The following CCDC7 variants were observed in gnomAD, a reference collection of about 807,000 sequenced individuals.
CCDC7 encodes the protein coiled-coil domain containing 7.
Under a neutral mutation model 196.9 loss-of-function variants are expected in CCDC7, and 183 were observed. That is an observed-to-expected ratio of 0.93 (90% CI 0.82 to 1.05). CCDC7 has a LOEUF of 1.05. Ranked by LOEUF, CCDC7 falls within the 50% of genes least tolerant of loss-of-function variation. CCDC7 has a pLI of 0.00. For synonymous variants in CCDC7, 525 were observed against 484.6 expected, an observed-to-expected ratio of 1.08 and a Z score of -1.10; for missense variants, 1,540 against 1,482.2, an observed-to-expected ratio of 1.04 and a Z score of -0.64.
chr10:32,515,197 G>C (rs748773352), intron 9 of CCDC7, among the ~76,000 whole-genome samples: 6 of 152,142 alleles, frequency 3.9e-5, no homozygotes. Context: ...CAAAATTCCA[G>C]CTGACATTTT....
exon 41 of CCDC7, chr10:32,854,486 A>G: frequency 1.3e-6 from 2 of 1,512,672 alleles, no homozygotes; most frequent in Non-Finnish European, 1.8e-6. Flanking sequence ...ACCTACCTAT[A>G]AAGGTAAAAG....
At chr10:32,665,141 T>A (rs2072377908) in intron 21 of CCDC7, among the ~76,000 whole-genome samples, 1 of 152,040 alleles carries the variant, frequency 6.6e-6, no homozygotes, top group South Asian at 2.1e-4. Flanking sequence ...GATCCCATAC[T>A]CATCTTTTAT....
rs1370174297 is a variant in CCDC7, at chr10:32,850,810, CACACACACAG to C, written c.3896-995_3896-986del. ...ACACACACACACACACACACACACACACACACACAGAGACATGCAATGTAACAGTGGTGAG... is the reference window on the plus strand; with the variant it reads ...ACACACACACACACACACACACACACAGACATGCAATGTAACAGTGGTGAG... On this transcript the variant is annotated intron_variant, in intron 39 of 41. Transcript: ENST00000639629. Among the ~76,000 whole-genome samples the C allele has an allele frequency of 9.5e-3, 1,303 of 136,828 alleles. 17 individuals are homozygous for C. Among genetic ancestry groups the C allele is most frequent in the Non-Finnish European group, 0.016 (966 of 61,124 alleles). The allele number at this position is 136,828 out of a possible 152,430, so 89.8% of individuals were successfully genotyped here.
chr10:32,552,509 G>A (rs990323860), intron 13 of CCDC7, among the ~76,000 whole-genome samples: 1 of 152,118 alleles, frequency 6.6e-6, no homozygotes, highest in East Asian at 1.9e-4. Flanking sequence ...ATGTTTTATA[G>A]ATCCTGTGTG....
intron 18 of CCDC7, among the ~76,000 whole-genome samples, chr10:32,596,680 T>C (rs912400617): frequency 1.3e-5 from 2 of 152,206 alleles, no homozygotes; most frequent in African/African-American, 2.4e-5. Flanking sequence ...TTCCTTTCCA[T>C]GTTTAGTGCT....
intron 20 of CCDC7, among the ~76,000 whole-genome samples, chr10:32,651,042 G>T (rs991266724): frequency 1.3e-5 from 2 of 152,142 alleles, no homozygotes; most frequent in African/African-American, 4.8e-5. Context: ...AGCCCTGGGA[G>T]TGGATGCTTA....
intron 33 of CCDC7, among the ~76,000 whole-genome samples, chr10:32,841,187 T>C (rs1376044853): frequency 6.6e-6 from 1 of 152,028 alleles, no homozygotes; most frequent in Non-Finnish European, 1.5e-5. Flanking sequence ...GGCATCCAAA[T>C]TGGTAAAGAG....
intron 41 of CCDC7, among the ~76,000 whole-genome samples, chr10:32,868,348 G>A (rs1593637637): frequency 1.3e-5 from 2 of 151,934 alleles, no homozygotes; most frequent in East Asian, 3.9e-4. Context: ...GTTTACCACA[G>A]AGGCTGTGCC....
chr10:32,590,502 A>G (rs1253115705), intron 18 of CCDC7, among the ~76,000 whole-genome samples: 5 of 152,058 alleles, frequency 3.3e-5, no homozygotes, highest in Non-Finnish European at 7.4e-5. Context: ...TAGTCTTTCT[A>G]CTTAAGAGTA....
chr10:32,843,254 T>C (rs1334084587), intron 33 of CCDC7, among the ~76,000 whole-genome samples: 1 of 127,922 alleles, frequency 7.8e-6, no homozygotes, highest in Non-Finnish European at 2.0e-5. Flanking sequence ...AAAGGCACAG[T>C]ATTATATAAA....
chr10:32,660,150 G>A (rs1239488112), intron 20 of CCDC7, among the ~76,000 whole-genome samples: 1 of 148,462 alleles, frequency 6.7e-6, no homozygotes, highest in Non-Finnish European at 1.5e-5. Context: ...TATACTTTAA[G>A]TTTTAGGGTA....
chr10:32,554,908 AT>A (rs1194932757), intron 13 of CCDC7, among the ~76,000 whole-genome samples: 1 of 152,070 alleles, frequency 6.6e-6, no homozygotes, highest in Non-Finnish European at 1.5e-5. Flanking sequence ...CTCTATCTCC[AT>A]GAGTTTGTTT....
chr10:32,468,198 T>C (rs752441619), intron 5 of CCDC7, among the ~76,000 whole-genome samples: 1 of 152,228 alleles, frequency 6.6e-6, no homozygotes, highest in Non-Finnish European at 1.5e-5. Context: ...TTTAACCATA[T>C]TGATTCTTTC....
intron 13 of CCDC7, among the ~76,000 whole-genome samples, chr10:32,554,754 A>C (rs1012513005): frequency 1.3e-5 from 2 of 152,054 alleles, no homozygotes; most frequent in African/African-American, 4.8e-5. Flanking sequence ...ACAATAAATG[A>C]TTGTTGACTG....
chr10:32,609,827 A>G (rs1439719943), intron 18 of CCDC7, among the ~76,000 whole-genome samples: 1 of 152,158 alleles, frequency 6.6e-6, no homozygotes, highest in Admixed American at 6.5e-5. Context: ...CTACTCTGGC[A>G]TGTGATGGGC....
intron 29 of CCDC7, among the ~76,000 whole-genome samples, chr10:32,801,127 G>A (rs1016688411): frequency 2.0e-4 from 30 of 152,018 alleles, no homozygotes; most frequent in Non-Finnish European, 3.7e-4. Context: ...CTGTAAGATC[G>A]GCATACAGAG....
At chr10:32,697,123 G>A (rs2077841079) in intron 24 of CCDC7, among the ~76,000 whole-genome samples, 1 of 152,116 alleles carries the variant, frequency 6.6e-6, no homozygotes, top group African/African-American at 2.4e-5. Context: ...TTGTTTTCCT[G>A]CAATTAGATG....
chr10:32,780,646 A>G (rs2080900507), intron 29 of CCDC7, among the ~76,000 whole-genome samples: 1 of 152,176 alleles, frequency 6.6e-6, no homozygotes, highest in African/African-American at 2.4e-5. Context: ...GCATGAAGAA[A>G]AGAGAAAGGA....
chr10:32,580,498 T>C (rs180986935), intron 16 of CCDC7, among the ~76,000 whole-genome samples: 12 of 152,124 alleles, frequency 7.9e-5, no homozygotes, highest in Admixed American at 3.3e-4. Flanking sequence ...TCAAAATATT[T>C]ATAACTTTTG....
Sources: allele counts gnomAD v4.1 joint callset (sites outside exome capture counted in the v4.1 genomes callset), GRCh38; gene constraint gnomAD v4.1.1; transcripts MANE v1.5; gene names NCBI Gene and HGNC (gene_info 2026-07-23, HGNC 2026-07-21).